The following BBX variants were observed in gnomAD, a reference collection of about 807,000 sequenced individuals.
The protein encoded by BBX is BBX high mobility group box domain containing, also known as HMG box transcription factor BBX.
A neutral mutation model predicts 100.2 loss-of-function variants in BBX; 30 were observed. The observed-to-expected ratio is 0.30, with a 90% CI of 0.22 to 0.41. BBX has a LOEUF of 0.41. Among genes scored for constraint, BBX ranks in the 10% least tolerant of loss-of-function variants. The pLI is 1.00. For missense variants in BBX, 1,023 were observed against 1,129.8 expected, an observed-to-expected ratio of 0.91 and a Z score of 1.35; for synonymous variants, 376 against 388.1, an observed-to-expected ratio of 0.97 and a Z score of 0.37.
intron 7 of BBX, among the ~76,000 whole-genome samples, chr3:107,742,317 T>C (rs1290362031): frequency 6.6e-6 from 1 of 151,584 alleles, no homozygotes; most frequent in East Asian, 1.9e-4. Context: ...CCTTTTTCTT[T>C]TTTTTTTTTG....
chr3:107,743,410 G>A (rs2064280401), intron 7 of BBX, among the ~76,000 whole-genome samples: 1 of 152,178 alleles, frequency 6.6e-6, no homozygotes, highest in African/African-American at 2.4e-5. Context: ...ATTTGGCACA[G>A]CATATCAAAT....
intron 3 of BBX, among the ~76,000 whole-genome samples, chr3:107,657,891 C>A (rs1008613114): frequency 1.6e-4 from 25 of 151,992 alleles, no homozygotes; most frequent in African/African-American, 6.0e-4. Flanking sequence ...AATACCCATT[C>A]TTTGTTAAGG....
At chr3:107,698,197 C>T (rs2060789643) in intron 3 of BBX, among the ~76,000 whole-genome samples, 1 of 151,796 alleles carries the variant, frequency 6.6e-6, no homozygotes, top group Admixed American at 6.5e-5. Flanking sequence ...AGAGCTGTTC[C>T]TATTCGGCCA....
chr3:107,660,868 T>C (rs144122057), intron 3 of BBX, among the ~76,000 whole-genome samples: 14 of 152,254 alleles, frequency 9.2e-5, no homozygotes, highest in African/African-American at 3.4e-4. Context: ...TACCCTGAAA[T>C]TGGATTGCAG....
intron 2 of BBX, among the ~76,000 whole-genome samples, chr3:107,613,375 C>T (rs1359061083): frequency 6.7e-6 from 1 of 148,284 alleles, no homozygotes; most frequent in East Asian, 2.0e-4. Flanking sequence ...TCTTTTATCT[C>T]GTATCCTAAA....
At chr3:107,619,083 C>T (rs1195016609) in intron 2 of BBX, among the ~76,000 whole-genome samples, 1 of 152,048 alleles carries the variant, frequency 6.6e-6, no homozygotes, top group African/African-American at 2.4e-5. Flanking sequence ...TATGCATACA[C>T]ATTTAGGATT....
rs552740287 is a variant in BBX, at chr3:107,728,751, C to G, written c.406-14C>G. On this transcript the variant is annotated splice_polypyrimidine_tract_variant and intron_variant, in intron 5 of 17. Transcript: ENST00000325805. ...TTGTTAATTAAAATCTGCTGTCTGT[C>G]GTTTTATTTATAGTATAAGGATGCA... The G allele has an allele frequency of 6.3e-7, 1 of 1,589,448 alleles. No homozygotes were observed. Among genetic ancestry groups the G allele is most frequent in the Non-Finnish European group, 8.6e-7 (1 of 1,168,038 alleles).
At chr3:107,623,864 T>G (rs1031909315) in intron 2 of BBX, among the ~76,000 whole-genome samples, 43 of 152,302 alleles carry the variant, frequency 2.8e-4, no homozygotes, top group South Asian at 1.4e-3. Flanking sequence ...AATATAAGAA[T>G]GTAACCTATT....
chr3:107,743,015 G>A (rs1185394183), intron 7 of BBX, among the ~76,000 whole-genome samples: 2 of 152,042 alleles, frequency 1.3e-5, no homozygotes, highest in Non-Finnish European at 2.9e-5. Context: ...TGTGAATTGT[G>A]GGATCTGAAA....
At chr3:107,640,253 A>G (rs2057107547) in intron 2 of BBX, among the ~76,000 whole-genome samples, 1 of 152,176 alleles carries the variant, frequency 6.6e-6, no homozygotes, top group African/African-American at 2.4e-5. Flanking sequence ...AACTATGGAG[A>G]GAAAAAAGAG....
chr3:107,724,301 A>T (rs2062756483), intron 5 of BBX, among the ~76,000 whole-genome samples: 2 of 152,100 alleles, frequency 1.3e-5, no homozygotes, highest in African/African-American at 4.8e-5. Flanking sequence ...TAGATTCTGG[A>T]TATGAGCCCT....
At chr3:107,670,749 T>C (rs1158807589) in intron 3 of BBX, among the ~76,000 whole-genome samples, 2 of 152,110 alleles carry the variant, frequency 1.3e-5, no homozygotes, top group African/African-American at 4.8e-5. Flanking sequence ...GAAGCTTATT[T>C]TTTAATGAGA....
At chr3:107,690,118 T>C (rs532003617) in intron 3 of BBX, among the ~76,000 whole-genome samples, 54 of 152,338 alleles carry the variant, frequency 3.5e-4, no homozygotes, top group African/African-American at 1.2e-3. Context: ...TAATGAAATG[T>C]ACTCAAGTTG....
chr3:107,603,273 T>G (rs537981715), intron 2 of BBX, among the ~76,000 whole-genome samples: 1 of 152,018 alleles, frequency 6.6e-6, no homozygotes, highest in South Asian at 2.1e-4. Context: ...CTGATTCCAG[T>G]TTTGAAAAAA....
At chr3:107,732,891 T>C in intron 6 of BBX, 65 bp from the exon 7 acceptor site, 1 of 1,344,000 alleles carries the variant, frequency 7.4e-7, no homozygotes, top group Non-Finnish European at 1.1e-6. Flanking sequence ...GAGTATTCTT[T>C]TTGACTCTGT....
At chr3:107,612,816 G>A (rs935248394) in intron 2 of BBX, among the ~76,000 whole-genome samples, 1 of 152,212 alleles carries the variant, frequency 6.6e-6, no homozygotes, top group African/African-American at 2.4e-5. Context: ...GCAGTCTTGT[G>A]TCCTTCTGTT....
chr3:107,667,450 T>C (rs148734955), intron 3 of BBX, among the ~76,000 whole-genome samples: 1 of 152,082 alleles, frequency 6.6e-6, no homozygotes, highest in Non-Finnish European at 1.5e-5. Flanking sequence ...TATTCTCTAA[T>C]GATTTAAGTT....
chr3:107,618,590 A>G (rs1468059960), intron 2 of BBX, among the ~76,000 whole-genome samples: 1 of 152,040 alleles, frequency 6.6e-6, no homozygotes, highest in African/African-American at 2.4e-5. Context: ...TTGATATGCT[A>G]TATTTTCATG....
At chr3:107,678,702 G>T (rs1365160665) in intron 3 of BBX, among the ~76,000 whole-genome samples, 5 of 151,886 alleles carry the variant, frequency 3.3e-5, no homozygotes, top group African/African-American at 7.3e-5. Context: ...CTTCAGCCTC[G>T]GCAAGAAGGG....
Sources: allele counts gnomAD v4.1 joint callset (sites outside exome capture counted in the v4.1 genomes callset), GRCh38; gene constraint gnomAD v4.1.1; transcripts MANE v1.5; gene names NCBI Gene and HGNC (gene_info 2026-07-23, HGNC 2026-07-21).